TRPM2: variants seen among roughly 807,000 people sequenced by gnomAD.
TRPM2 encodes estrogen-responsive element-associated gene 1 protein.
TRPM2 carries 161 observed loss-of-function variants against 174.0 expected under a neutral mutation model. That is an observed-to-expected ratio of 0.93 (90% CI 0.81 to 1.05). The LOEUF (loss-of-function observed/expected upper bound fraction) is 1.05. Ranked by LOEUF, TRPM2 falls within the 50% of genes least tolerant of loss-of-function variation. TRPM2 has a pLI of 0.00. For synonymous variants in TRPM2, 954 were observed against 861.3 expected, an observed-to-expected ratio of 1.11 and a Z score of -1.88; for missense variants, 2,057 against 2,038.0, an observed-to-expected ratio of 1.01 and a Z score of -0.18.
At chr21:44,419,757 AGTGGTG>A (rs140387137) in intron 22 of TRPM2, among the ~76,000 whole-genome samples, 2,765 of 119,720 alleles carry the variant, frequency 0.023, no homozygotes, top group South Asian at 0.043. Context: ...TGATGATGGC[AGTGGTG>A]GTGGTGGTGG....
chr21:44,423,722 T>C lies in TRPM2; in HGVS notation c.3539T>C (p.Leu1180Pro). The C allele has an allele frequency of 6.2e-7, 1 of 1,608,122 alleles. No individual in the cohort carries two copies. The highest frequency in any genetic ancestry group is 1.1e-5 in the South Asian group (1 of 89,620). ...TCCATGGAGCAGAGGTTGGCCTCCC[T>C]GGAGGAGCAGGTGGGTCCGAGGTCG... ...SGSMEQRLASLEEQVAQTAQA... is the reference protein window; with the variant it reads ...SGSMEQRLASPEEQVAQTAQA... Residue 1180 changes from leucine to proline, a missense_variant, in exon 23 of 32, where the codon CTG becomes CCG. Coordinates refer to ENST00000397928, the MANE Select transcript of TRPM2 (RefSeq NM_003307.4).
chr21:44,387,980 A>G (rs1438293732), intron 9 of TRPM2, among the ~76,000 whole-genome samples: 2 of 152,208 alleles, frequency 1.3e-5, no homozygotes, highest in Non-Finnish European at 2.9e-5. Flanking sequence ...GGAAAACAGG[A>G]TGACAGTTCC....
intron 27 of TRPM2, among the ~76,000 whole-genome samples, chr21:44,427,669 G>C (rs932021290): frequency 3.9e-5 from 6 of 152,180 alleles, no homozygotes; most frequent in Non-Finnish European, 2.9e-5. Context: ...ACCAGAACCT[G>C]GGACTGGGGG....
At chr21:44,387,330 C>G (rs1247728738) in intron 9 of TRPM2, among the ~76,000 whole-genome samples, 1 of 152,184 alleles carries the variant, frequency 6.6e-6, no homozygotes, top group Non-Finnish European at 1.5e-5. Context: ...ACAAATGATG[C>G]TGGATAAACT....
chr21:44,390,763 G>C, intron 9 of TRPM2, 141 bp from the exon 10 acceptor site: 2 of 1,098,030 alleles, frequency 1.8e-6, no homozygotes, highest in Non-Finnish European at 2.7e-6. Flanking sequence ...ATGGGAGGAG[G>C]TCACTGGGTG....
intron 16 of TRPM2, among the ~76,000 whole-genome samples, chr21:44,402,814 C>G (rs1241052020): frequency 1.3e-5 from 2 of 152,200 alleles, no homozygotes; most frequent in African/African-American, 2.4e-5. Context: ...GGAACTAGGT[C>G]CTTGGAACCC....
At chr21:44,422,159 C>A in intron 22 of TRPM2, 1 of 1,287,194 alleles carries the variant, frequency 7.8e-7, no homozygotes, top group East Asian at 2.5e-5. Context: ...GCCTGGTCAC[C>A]GTCCCCTCCT....
At chr21:44,417,318 C>T (rs1189053284) in intron 20 of TRPM2, among the ~76,000 whole-genome samples, 1 of 129,150 alleles carries the variant, frequency 7.7e-6, no homozygotes, top group African/African-American at 2.9e-5. Flanking sequence ...AAGGGCGTGG[C>T]TCTGCTCTCT....
At chr21:44,415,614 C>T (rs970511142) in intron 20 of TRPM2, 3 of 152,194 alleles carry the variant, frequency 2.0e-5, no homozygotes, top group Non-Finnish European at 2.9e-5. Context: ...CTGCCAAGGC[C>T]GTGGCGGTTC....
In TRPM2 at chr21:44,435,022, G is replaced by A. The variant is rs367919720; in HGVS notation, c.3975-109G>A. ...TCTAAAGAAGCCTGCATGCTGTCCCGCTGTGCGCCGGCTCCTGACGCCCGC... is the reference window on the plus strand; with the variant it reads ...TCTAAAGAAGCCTGCATGCTGTCCCACTGTGCGCCGGCTCCTGACGCCCGC... On this transcript the variant is annotated intron_variant, in intron 27 of 31. Coordinates refer to ENST00000397928, the MANE Select transcript of TRPM2 (RefSeq NM_003307.4). 32 of 1,057,384 alleles carry A rather than the reference G, an allele frequency of 3.0e-5. 1 individual carries two copies. Among genetic ancestry groups the A allele is most frequent in the Admixed American group, 7.6e-5 (4 of 52,436 alleles). The allele number at this position is 1,057,384 out of a possible 1,614,324, so 65.5% of individuals were successfully genotyped here.
At chr21:44,352,436 G>A (rs1283416939), upstream of TRPM2, among the ~76,000 whole-genome samples, 1 of 152,266 alleles carries the variant, frequency 6.6e-6, no homozygotes, top group Admixed American at 6.5e-5. Flanking sequence ...GCGTGGCCCC[G>A]AAGAGGGGCT....
Position 44,393,097 on chromosome 21 carries a change from C to T in TRPM2, c.1794+1472C>T, listed in dbSNP as rs183320396. Among the ~76,000 whole-genome samples the T allele has an allele frequency of 9.0e-4, 137 of 152,204 alleles. 1 individual carries two copies. Among genetic ancestry groups the T allele is most frequent in the African/African-American group, 3.2e-3 (134 of 41,516 alleles). The stretch of plus-strand genomic sequence containing the variant: ...AATAGGAACCCTGCCCTAGTCTCCA[C>T]CCTGATTCAGTGGGAACCCTGCCGT... On this transcript the variant is annotated intron_variant, in intron 11 of 31. Coordinates refer to ENST00000397928, the MANE Select transcript of TRPM2 (RefSeq NM_003307.4).
chr21:44,356,261 C>T (rs2048060231), intron 2 of TRPM2, among the ~76,000 whole-genome samples: 1 of 150,706 alleles, frequency 6.6e-6, no homozygotes, highest in East Asian at 2.0e-4. Context: ...AAACTCGCGG[C>T]CATGGAGGGC....
chr21:44,399,027 G>A lies in TRPM2; in HGVS notation c.2063-269G>A, dbSNP rs2049521649. 1.3e-5 allele frequency among the ~76,000 whole-genome samples: 2 copies of A among 152,254 alleles called. No individual in the cohort carries two copies. Among genetic ancestry groups the A allele is most frequent in the Non-Finnish European group, 2.9e-5 (2 of 68,014 alleles). ...GACAAGGGCAGCTTGGAGGTTAGAGGCAAGATGGAGTCCATTAGGTCAGTT... is the reference window on the plus strand; with the variant it reads ...GACAAGGGCAGCTTGGAGGTTAGAGACAAGATGGAGTCCATTAGGTCAGTT... On this transcript the variant is annotated intron_variant, in intron 13 of 31. Transcript: ENST00000397928. The surrounding 1 kb of genome is among the most constrained non-coding windows in gnomAD (Gnocchi z 4.6).
intron 13 of TRPM2, among the ~76,000 whole-genome samples, chr21:44,398,498 G>T (rs2049505067): frequency 6.6e-6 from 1 of 152,266 alleles, no homozygotes; most frequent in African/African-American, 2.4e-5. Flanking sequence ...ACCACGCCTG[G>T]TGAGACTGGG....
At chr21:44,379,490 T>C (rs1218452806) in intron 8 of TRPM2, among the ~76,000 whole-genome samples, 1 of 151,992 alleles carries the variant, frequency 6.6e-6, no homozygotes, top group Non-Finnish European at 1.5e-5. Context: ...GTCTGCTGGA[T>C]TGGAGGGGTG....
chr21:44,408,768 C>T (rs964315267), intron 19 of TRPM2, among the ~76,000 whole-genome samples: 2 of 151,000 alleles, frequency 1.3e-5, no homozygotes, highest in African/African-American at 4.9e-5. Flanking sequence ...AGTGATTCTC[C>T]TGCCTCAGCC....
rs897067698 is a variant in TRPM2 at position 44,406,996 on chromosome 21, C to T, written c.2962+231C>T. Reference sequence around the variant, plus strand: ...GGCCTGGTGGGGGTGAGTGGTGCCACGCAGAGGTCAGAGTGGGCCGAGGGC... The same window carrying T: ...GGCCTGGTGGGGGTGAGTGGTGCCATGCAGAGGTCAGAGTGGGCCGAGGGC... On this transcript the variant is annotated intron_variant, in intron 19 of 31. Coordinates refer to ENST00000397928, the MANE Select transcript of TRPM2 (RefSeq NM_003307.4). 8.7e-5 allele frequency among the ~76,000 whole-genome samples: 13 copies of T among 150,116 alleles called. 1 individual carries two copies. The highest frequency in any genetic ancestry group is 2.7e-4 in the Admixed American group (4 of 15,050).
At chr21:44,433,963 C>G (rs1364829422) in intron 27 of TRPM2, among the ~76,000 whole-genome samples, 1 of 152,148 alleles carries the variant, frequency 6.6e-6, no homozygotes, top group African/African-American at 2.4e-5. Flanking sequence ...CAGCTGGAGG[C>G]TGCCCCGCCA....
Sources: allele counts gnomAD v4.1 joint callset (sites outside exome capture counted in the v4.1 genomes callset), GRCh38; gene constraint gnomAD v4.1.1; non-coding constraint Gnocchi (gnomAD v3.1); transcripts MANE v1.5; gene names NCBI Gene and HGNC (gene_info 2026-07-23, HGNC 2026-07-21).